GPR135: variants seen among roughly 807,000 people sequenced by gnomAD.
GPR135 encodes the protein G protein-coupled receptor 135, also known as G-protein coupled receptor 135.
A neutral mutation model predicts 15.0 loss-of-function variants in GPR135; 17 were observed. That is an observed-to-expected ratio of 1.13 (90% CI 0.78 to 1.70). The LOEUF (loss-of-function observed/expected upper bound fraction) is 1.70, where lower values mean the gene tolerates loss of function less well. Ranked by LOEUF, GPR135 falls within the 40% of genes most tolerant of loss-of-function variation. GPR135 has a pLI of 0.00. For missense variants in GPR135, 776 were observed against 727.0 expected (o/e 1.07, Z -0.78); for synonymous variants, 368 against 349.4 (o/e 1.05, Z -0.59).
In GPR135 at chr14:59,462,681, T is replaced by C. The variant is rs1282781664; in HGVS notation, c.*1061A>G. ...AATTCCAAGAGGCTGCTTCTCAAAA[T>C]AGTTTTAGAATTTCTCTTTGGAATC... On this transcript the variant is annotated 3_prime_UTR_variant, in exon 1 of 1. Transcript: ENST00000395116. The C allele has an allele frequency of 1.3e-5, 2 of 152,208 alleles. No homozygotes were observed. Among genetic ancestry groups the C allele is most frequent in the Non-Finnish European group, 2.9e-5 (2 of 68,026 alleles). 9.4% of individuals were successfully genotyped at this position (152,208 alleles called of 1,614,324 possible). A position where few individuals can be genotyped will look rare whatever the true frequency, so the allele number is the denominator to read the frequency against.
Position 59,463,745 on chromosome 14 carries a change from G to A in GPR135, c.1482C>T (p.Leu494=), listed in dbSNP as rs1468336696. ...TAAGCTGGCCATTCCAACCGTCTTA[G>A]AGGCTGGTATCCCCAGCTTCGGATT... ...QPKSEAGDTS[L] is the part of the protein sequence containing the mutation. Residue 494 remains leucine, a synonymous_variant, in exon 1 of 1, where the codon CTC becomes CTT. Transcript: ENST00000395116. The A allele has an allele frequency of 1.1e-5, 17 of 1,589,236 alleles. No homozygotes were observed. Among genetic ancestry groups the A allele is most frequent in the Non-Finnish European group, 1.4e-5 (16 of 1,165,468 alleles).
chr14:59,464,376 GCCA>G lies in GPR135; in HGVS notation c.848_850del (p.Val283del). On this transcript the variant is annotated inframe_deletion, in exon 1 of 1. Transcript: ENST00000395116. ...GAGCAGGAAGGGCAGCAGGTAGCAG[GCCA>G]CCACCAGCCCCACGCTGAAGGCCGC... 6.2e-7 allele frequency: 1 copy of G among 1,605,214 alleles called. No homozygotes were observed. The highest frequency in any genetic ancestry group is 1.1e-5 in the South Asian group (1 of 90,018).
Position 59,464,180 on chromosome 14 carries a change from G to T in GPR135, c.1047C>A (p.Phe349Leu). 6.2e-7 allele frequency: 1 copy of T among 1,609,248 alleles called. No individual in the cohort carries two copies. Among genetic ancestry groups the T allele is most frequent in the Non-Finnish European group, 8.5e-7 (1 of 1,179,768 alleles). ...GCCGGGCGGCGGCCAGCAGCACCAG[G>T]AAGCAGTAGGGCCCCCAGCAGCAGA... The part of the protein sequence containing the change: ...FVICCWGPYC[F>L]LVLLAAARQA... The change falls in exon 1 of 1, where the codon TTC becomes TTA. Residue 349 changes from phenylalanine (F) to leucine (L), a missense_variant. Physicochemically the swap from Phe to Leu is conservative, Grantham distance 22. Coordinates refer to ENST00000395116, the MANE Select transcript of GPR135 (RefSeq NM_022571.6).
chr14:59,452,962 G>A (rs916586986), intron 6 of GPR135, among the ~76,000 whole-genome samples: 5 of 152,036 alleles, frequency 3.3e-5, no homozygotes, highest in African/African-American at 1.2e-4. Context: ...ATTACTAAGC[G>A]AAAAAAGCCA....
In GPR135 at chr14:59,463,159, C is replaced by CTA. The variant is rs1888930438; in HGVS notation, c.*581_*582dup. Reference sequence around the variant, plus strand: ...TAATAATAACCAGCTTTTCAAAATCCTAAAATGATTTTAAATGGGTTATGA... The same window carrying CTA: ...TAATAATAACCAGCTTTTCAAAATCCTATAAAATGATTTTAAATGGGTTATGA... On this transcript the variant is annotated 3_prime_UTR_variant, in exon 1 of 1. Coordinates refer to ENST00000395116, the MANE Select transcript of GPR135 (RefSeq NM_022571.6). 6.6e-6 allele frequency: 1 copy of CTA among 152,114 alleles called. No individual in the cohort carries two copies. The highest frequency in any genetic ancestry group is 6.5e-5 in the Admixed American group (1 of 15,272). 9.4% of individuals were successfully genotyped at this position (152,114 alleles called of 1,614,324 possible).
downstream of GPR135, among the ~76,000 whole-genome samples, chr14:59,457,463 T>C (rs996906942): frequency 4.6e-5 from 7 of 152,186 alleles, no homozygotes; most frequent in African/African-American, 1.7e-4. Context: ...ATTAATGCAC[T>C]TAATGGTCTC....
At chr14:59,457,530 G>T (rs1888699342), downstream of GPR135, among the ~76,000 whole-genome samples, 2 of 151,946 alleles carry the variant, frequency 1.3e-5, no homozygotes, top group African/African-American at 4.8e-5. Context: ...CTGTTGTTCA[G>T]CTTACATAAT....
At position 59,465,010 on chromosome 14, in the gene GPR135, C is replaced by A; in HGVS notation, c.217G>T (p.Gly73Cys). ...TAAAPGGGGL[G>C]GSGAAREAGA... ...GCCTCCCGCGCTGCCCCGGACCCGC[C>A]AAGGCCGCCGCCACCGGGAGCGGCA... The change falls in exon 1 of 1, where the codon GGC becomes TGC. Residue 73 changes from glycine (G) to cysteine (C), a missense_variant. Physicochemically the swap from Gly to Cys is radical, Grantham distance 159. Transcript: ENST00000395116. 7.5e-7 allele frequency: 1 copy of A among 1,340,678 alleles called. No homozygotes were observed. Among genetic ancestry groups the A allele is most frequent in the Non-Finnish European group, 9.5e-7 (1 of 1,050,042 alleles). The allele number at this position is 1,340,678 out of a possible 1,614,324, so 83.0% of individuals were successfully genotyped here.
Position 59,463,606 on chromosome 14 carries a change from G to A in GPR135, c.*136C>T. ...GGGACATTGTCTTTTATGTTGTTTGGGGAAAGTGGTAAGCCTCCCCCGTCT... is the reference window on the plus strand; with the variant it reads ...GGGACATTGTCTTTTATGTTGTTTGAGGAAAGTGGTAAGCCTCCCCCGTCT... On this transcript the variant is annotated 3_prime_UTR_variant, in exon 1 of 1. Coordinates refer to ENST00000395116, the MANE Select transcript of GPR135 (RefSeq NM_022571.6). 1 of 797,840 alleles carries A rather than the reference G, an allele frequency of 1.3e-6. No homozygotes were observed. Among genetic ancestry groups the A allele is most frequent in the Non-Finnish European group, 1.9e-6 (1 of 519,130 alleles). 49.4% of individuals were successfully genotyped at this position (797,840 alleles called of 1,614,324 possible).
Position 59,463,862 on chromosome 14 carries a change from C to T in GPR135, c.1365G>A (p.Gly455=), listed in dbSNP as rs1196572256. 6 of 1,614,040 alleles carry T rather than the reference C, an allele frequency of 3.7e-6. No individual in the cohort carries two copies. In the African/African-American group the frequency reaches 6.7e-5, roughly 18 times the overall value. Residue 455 remains glycine (G), a synonymous_variant, in exon 1 of 1, where the codon GGG becomes GGA. Coordinates refer to ENST00000395116, the MANE Select transcript of GPR135 (RefSeq NM_022571.6). ...TTTTGCGGGCCCACATGGCCACGTC[C>T]CCTGCCACTCCGCTGGCCGGGTTGG... The part of the protein sequence containing the change: ...SSSNPASGVA[G]DVAMWARKNP...
rs1285776978 is a variant in GPR135 at position 59,463,192 on chromosome 14, AT to A, written c.*549del. On this transcript the variant is annotated 3_prime_UTR_variant, in exon 1 of 1. Coordinates refer to ENST00000395116, the MANE Select transcript of GPR135 (RefSeq NM_022571.6). The stretch of plus-strand genomic sequence containing the variant: ...ATTTTAAATGGGTTATGAATTAAAA[AT>A]TTTCCACAAAGGTTATTAGGGGGTG... 6.6e-6 allele frequency: 1 copy of A among 152,254 alleles called. No individual in the cohort carries two copies. Among genetic ancestry groups the A allele is most frequent in the East Asian group, 1.9e-4 (1 of 5,200 alleles). 9.4% of individuals were successfully genotyped at this position (152,254 alleles called of 1,614,324 possible).
intron 6 of GPR135, among the ~76,000 whole-genome samples, chr14:59,453,643 G>A (rs1361661287): frequency 6.6e-6 from 1 of 152,124 alleles, no homozygotes; most frequent in Non-Finnish European, 1.5e-5. Flanking sequence ...GGAGAACCCA[G>A]AACTACGTCA....
rs1340775808 is a variant in GPR135, at chr14:59,463,998, T to G, written c.1229A>C (p.Asn410Thr). The G allele has an allele frequency of 1.2e-6, 2 of 1,613,908 alleles. No homozygotes were observed. Among genetic ancestry groups the G allele is most frequent in the South Asian group, 2.2e-5 (2 of 91,092 alleles). Reference sequence around the variant, plus strand: ...CTGGCTGGGCAGGAAAGCGTCCACATTCCTAGTCCGGTAGCCCTCCTCGCG... The same window carrying G: ...CTGGCTGGGCAGGAAAGCGTCCACAGTCCTAGTCCGGTAGCCCTCCTCGCG... ...RNREEGYRTRNVDAFLPSQGP... is the reference protein window; with the variant it reads ...RNREEGYRTRTVDAFLPSQGP... Residue 410 changes from asparagine (N) to threonine (T), a missense_variant, in exon 1 of 1, where the codon AAT (asparagine) becomes ACT (threonine). Transcript: ENST00000395116.
rs755142012 is a variant in GPR135 at position 59,464,652 on chromosome 14, G to C, written c.575C>G (p.Ser192Trp). The C allele has an allele frequency of 1.8e-5, 28 of 1,596,752 alleles. No individual in the cohort carries two copies. Among genetic ancestry groups the C allele is most frequent in the Non-Finnish European group, 2.2e-5 (26 of 1,177,376 alleles). ...GFCAASRFFS[S>W]CFGIVSTLSV... Reference sequence around the variant, plus strand: ...GAGCGTGGACACGATGCCGAAGCACGAGCTGAAGAAGCGGCTGGCGGCGCA... The same window carrying C: ...GAGCGTGGACACGATGCCGAAGCACCAGCTGAAGAAGCGGCTGGCGGCGCA... The change falls in exon 1 of 1, where the codon TCG becomes TGG. Residue 192 changes from serine (S) to tryptophan (W), a missense_variant. Physicochemically the swap from Ser to Trp is radical, Grantham distance 177. Transcript: ENST00000395116.
chr14:59,463,417 A>C lies in GPR135; in HGVS notation c.*325T>G. On this transcript the variant is annotated 3_prime_UTR_variant, in exon 1 of 1. Coordinates refer to ENST00000395116, the MANE Select transcript of GPR135 (RefSeq NM_022571.6). ...TAGTTGAACAATACTGGTTGCATTC[A>C]ATGTTTTGTTTGTTTCACAGTGTGG... The C allele has an allele frequency of 3.5e-6, 1 of 287,646 alleles. No homozygotes were observed. The highest frequency in any genetic ancestry group is 6.5e-6 in the Non-Finnish European group (1 of 153,354). The allele number at this position is 287,646 out of a possible 1,614,324, so 17.8% of individuals were successfully genotyped here. A position where few individuals can be genotyped will look rare whatever the true frequency, so the allele number is the denominator to read the frequency against.
downstream of GPR135, among the ~76,000 whole-genome samples, chr14:59,456,191 C>T (rs546251899): frequency 6.6e-6 from 1 of 152,160 alleles, no homozygotes; most frequent in African/African-American, 2.4e-5. Context: ...CTTTCCTTGA[C>T]TTGTTGACAC....
In GPR135 at chr14:59,464,730, G is replaced by A. The variant is rs1476118136; in HGVS notation, c.497C>T (p.Thr166Ile). The A allele has an allele frequency of 6.4e-7, 1 of 1,566,590 alleles. No individual in the cohort carries two copies. The highest frequency in any genetic ancestry group is 8.6e-7 in the Non-Finnish European group (1 of 1,157,278). Reference sequence around the variant, plus strand: ...GGCAGGCGCCGAACCCCCGGGCGGAGTGAAGAGGTCCAGGAAGGCGGCGGG... The same window carrying A: ...GGCAGGCGCCGAACCCCCGGGCGGAATGAAGAGGTCCAGGAAGGCGGCGGG... Reference protein sequence around the residue: ...CLPAAFLDLFTPPGGSAPAAA... With the variant: ...CLPAAFLDLFIPPGGSAPAAA... The change falls in exon 1 of 1, where the codon ACT becomes ATT. Residue 166 changes from threonine to isoleucine, a missense_variant. Physicochemically the swap from Thr to Ile is moderately conservative, Grantham distance 89 (BLOSUM62 -1). Transcript: ENST00000395116.
intron 6 of GPR135, chr14:59,455,564 T>A (rs1888623847): frequency 6.6e-6 from 1 of 152,232 alleles, no homozygotes; most frequent in Non-Finnish European, 1.5e-5. Context: ...GTCAGAAACT[T>A]GGAGCAGATT....
downstream of GPR135, among the ~76,000 whole-genome samples, chr14:59,457,389 A>C (rs1441186451): frequency 6.6e-6 from 1 of 151,944 alleles, no homozygotes; most frequent in African/African-American, 2.4e-5. Context: ...TTCAACCATT[A>C]TTTCTTCAAA....
Sources: gnomAD v4.1 joint callset for allele counts (sites outside exome capture counted in the v4.1 genomes callset) on GRCh38, gnomAD v4.1.1 for gene constraint, MANE v1.5 for transcripts, NCBI Gene and HGNC (gene_info 2026-07-23, HGNC 2026-07-21) for gene names.